The following MED21 variants were observed in gnomAD, a reference collection of about 807,000 sequenced individuals.
The protein encoded by MED21 is mediator of RNA polymerase II transcription subunit 21.
Under a neutral mutation model 18.2 loss-of-function variants are expected in MED21, and 9 were observed. The observed-to-expected ratio is 0.49, with a 90% confidence interval of 0.30 to 0.86. The LOEUF (loss-of-function observed/expected upper bound fraction) is 0.86. MED21 is among the 40% of genes least tolerant of loss of function. MED21 has a pLI of 0.07. For missense variants in MED21, 150 were observed against 170.9 expected (o/e 0.88, Z 0.68); for synonymous variants, 73 against 60.5 (o/e 1.21, Z -0.96).
downstream of MED21, among the ~76,000 whole-genome samples, chr12:27,031,755 T>C (rs1941620877): frequency 1.3e-5 from 2 of 151,992 alleles, no homozygotes; most frequent in South Asian, 4.1e-4. Flanking sequence ...ATCGAAGAAT[T>C]AGCATTTACA....
intron 1 of MED21, 101 bp from the exon 2 acceptor site, chr12:27,026,319 A>T: frequency 1.5e-6 from 1 of 670,770 alleles, no homozygotes; most frequent in Non-Finnish European, 2.6e-6. Context: ...TCCCTTGCTC[A>T]GAGATTATCA....
At position 27,028,447 on chromosome 12, in the gene MED21, C is replaced by G; in HGVS notation, c.421C>G (p.Leu141Val). ...AAGAAGTGGTACCCATAGCCAGTCTCTTCCAGACTCATAGCATCAGTGGAT... is the reference window on the plus strand; with the variant it reads ...AAGAAGTGGTACCCATAGCCAGTCTGTTCCAGACTCATAGCATCAGTGGAT... ...KTRSGTHSQS[L>V]PDS is the part of the protein sequence containing the mutation. The change falls in exon 4 of 4, where the codon CTT (leucine) becomes GTT (valine). Residue 141 changes from leucine to valine, a missense_variant. Transcript: ENST00000282892. 6.2e-7 allele frequency: 1 copy of G among 1,613,782 alleles called. No individual in the cohort carries two copies. Among genetic ancestry groups the G allele is most frequent in the African/African-American group, 1.3e-5 (1 of 75,040 alleles).
chr12:27,027,655 G>A (rs899652343), intron 3 of MED21, among the ~76,000 whole-genome samples: 6 of 152,218 alleles, frequency 3.9e-5, no homozygotes, highest in African/African-American at 1.4e-4. Context: ...CTGTGCATGA[G>A]TAATGAATTT....
intron 1 of MED21, among the ~76,000 whole-genome samples, chr12:27,025,545 T>G (rs540550691): frequency 6.6e-6 from 1 of 152,148 alleles, no homozygotes; most frequent in African/African-American, 2.4e-5. Flanking sequence ...TAAGCAACAG[T>G]GATAGAAGGA....
chr12:27,026,625 T>C lies in MED21; in HGVS notation c.157+91T>C, dbSNP rs12318166. 2,176 of 740,914 alleles carry C rather than the reference T, an allele frequency of 2.9e-3. 34 individuals are homozygous for C. Among genetic ancestry groups the C allele is most frequent in the African/African-American group, 0.026 (1,487 of 56,744 alleles). The allele number at this position is 740,914 out of a possible 1,614,324, so 45.9% of individuals were successfully genotyped here. On this transcript the variant is annotated intron_variant, in intron 2 of 3. Coordinates refer to ENST00000282892, the MANE Select transcript of MED21 (RefSeq NM_004264.5). ...ATTTCTTGAGAAATTCAGCTTATTTTATTTCTAAAATTATTGTTGTTTGAG... is the reference window on the plus strand; with the variant it reads ...ATTTCTTGAGAAATTCAGCTTATTTCATTTCTAAAATTATTGTTGTTTGAG...
downstream of MED21, among the ~76,000 whole-genome samples, chr12:27,032,658 T>G (rs1941627900): frequency 6.6e-6 from 1 of 152,222 alleles, no homozygotes; most frequent in African/African-American, 2.4e-5. Flanking sequence ...AGGAAATGGC[T>G]TATTGCAAAG....
chr12:27,026,826 G>A (rs4964032), intron 2 of MED21, among the ~76,000 whole-genome samples: 136,820 of 152,314 alleles, frequency 0.9, 61,893 homozygotes, highest in East Asian at 1. Flanking sequence ...TCTTTATTCA[G>A]GTGACCACTA....
At chr12:27,032,211 C>T (rs144364001), downstream of MED21, among the ~76,000 whole-genome samples, 68 of 152,232 alleles carry the variant, frequency 4.5e-4, 1 homozygote, top group African/African-American at 1.4e-3. Context: ...TGAAAAGCTT[C>T]GTGATGTCTT....
intron 1 of MED21, chr12:27,022,987 G>A: frequency 2.1e-6 from 2 of 974,576 alleles, no homozygotes; most frequent in South Asian, 4.5e-5. Flanking sequence ...GGGAGGAGAA[G>A]CAGGAGCTTT....
chr12:27,028,517 C>A lies in MED21; in HGVS notation c.*56C>A. 6.4e-7 allele frequency: 1 copy of A among 1,565,296 alleles called. No individual in the cohort carries two copies. Among genetic ancestry groups the A allele is most frequent in the South Asian group, 1.2e-5 (1 of 83,688 alleles). On this transcript the variant is annotated 3_prime_UTR_variant, in exon 4 of 4. Transcript: ENST00000282892. ...AACTGTTTGAGTGCCATTAAGAATTCTGCATCAGACTTAGATACAAGCCTT... is the reference window on the plus strand; with the variant it reads ...AACTGTTTGAGTGCCATTAAGAATTATGCATCAGACTTAGATACAAGCCTT...
At chr12:27,025,077 G>T (rs976718459) in intron 1 of MED21, among the ~76,000 whole-genome samples, 3 of 152,286 alleles carry the variant, frequency 2.0e-5, no homozygotes, top group African/African-American at 7.2e-5. Context: ...TGACTAAATG[G>T]ATCTTAAAAG....
At chr12:27,024,269 C>T (rs1449909948) in intron 1 of MED21, among the ~76,000 whole-genome samples, 1 of 150,884 alleles carries the variant, frequency 6.6e-6, no homozygotes, top group Non-Finnish European at 1.5e-5. Flanking sequence ...GATAGGAAAA[C>T]CTAAGTACCT....
At chr12:27,022,770 G>C (rs751254653) in intron 1 of MED21, 149 bp downstream of exon 1, 1 of 1,535,280 alleles carries the variant, frequency 6.5e-7, no homozygotes, top group Non-Finnish European at 8.7e-7. Context: ...AGGCGCCACC[G>C]CGAACTCGGA....
At chr12:27,032,802 C>A (rs1316078626), downstream of MED21, among the ~76,000 whole-genome samples, 1 of 152,168 alleles carries the variant, frequency 6.6e-6, no homozygotes, top group Non-Finnish European at 1.5e-5. Flanking sequence ...ACAAAATGCC[C>A]TTTAACTTGA....
chr12:27,028,374 G>A lies in MED21; in HGVS notation c.348G>A (p.Glu116=), dbSNP rs764999212. The change falls in exon 4 of 4, where the codon GAG becomes GAA. Residue 116 remains glutamate, a synonymous_variant. Coordinates refer to ENST00000282892, the MANE Select transcript of MED21 (RefSeq NM_004264.5). ...TTTATCGAGGAGACATGCTTCTGGA[G>A]AAGATACAAAGCGCACTTGCTGATA... is the stretch of plus-strand genomic sequence containing the variant. ...DVVYRGDMLL[E]KIQSALADIA... 6.2e-7 allele frequency: 1 copy of A among 1,614,148 alleles called. No homozygotes were observed. The highest frequency in any genetic ancestry group is 8.5e-7 in the Non-Finnish European group (1 of 1,180,004).
At chr12:27,023,574 G>GGT (rs1005405877) in intron 1 of MED21, among the ~76,000 whole-genome samples, 1 of 152,016 alleles carries the variant, frequency 6.6e-6, no homozygotes, top group African/African-American at 2.4e-5. Context: ...TGGGATTACA[G>GGT]GTGTGAGCCA....
At chr12:27,026,844 A>C (rs77839599) in intron 2 of MED21, among the ~76,000 whole-genome samples, 1 of 152,246 alleles carries the variant, frequency 6.6e-6, no homozygotes, top group South Asian at 2.1e-4. Context: ...CTATATTGTC[A>C]TAATAAATGA....
In MED21 at chr12:27,026,425, A is replaced by G. The variant is rs1476814505; in HGVS notation, c.48A>G (p.Ala16=). 6.2e-7 allele frequency: 1 copy of G among 1,609,412 alleles called. No homozygotes were observed. The highest frequency in any genetic ancestry group is 8.5e-7 in the Non-Finnish European group (1 of 1,176,620). The change falls in exon 2 of 4, where the codon GCA becomes GCG. Residue 16 remains alanine (A), a synonymous_variant. Transcript: ENST00000282892. ...TQLQDAVNSL[A]DQFCNAIGVL... ...TATGTTTTCTTTGGCCTAAGCTTGC[A>G]GATCAGTTTTGTAATGCCATTGGAG...
downstream of MED21, among the ~76,000 whole-genome samples, chr12:27,034,931 C>T (rs542721715): frequency 1.3e-5 from 2 of 152,072 alleles, no homozygotes; most frequent in African/African-American, 4.8e-5. Context: ...TTGTATTTTT[C>T]GTAGAGACAG....
Sources: allele counts gnomAD v4.1 joint callset (sites outside exome capture counted in the v4.1 genomes callset), GRCh38; gene constraint gnomAD v4.1.1; transcripts MANE v1.5; gene names NCBI Gene and HGNC (gene_info 2026-07-23, HGNC 2026-07-21).